KDM4B: variants seen among roughly 807,000 people sequenced by gnomAD.
KDM4B encodes the protein lysine-specific demethylase 4B.
Under a neutral mutation model 125.2 loss-of-function variants are expected in KDM4B, and 32 were observed. The observed-to-expected ratio is 0.26, with a 90% CI of 0.19 to 0.34. The LOEUF (loss-of-function observed/expected upper bound fraction) is 0.34, where lower values mean the gene tolerates loss of function less well. Among genes scored for constraint, KDM4B ranks in the 10% least tolerant of loss-of-function variants. The pLI is 1.00. For missense variants in KDM4B, 1,190 were observed against 1,577.7 expected (o/e 0.75, Z 4.16); for synonymous variants, 721 against 677.9 (o/e 1.06, Z -0.99).
intron 1 of KDM4B, among the ~76,000 whole-genome samples, chr19:5,000,836 A>T (rs538004347): frequency 1.2e-3 from 177 of 152,276 alleles, no homozygotes; most frequent in Non-Finnish European, 2.1e-3. Context: ...TTGATTCAAC[A>T]TACGTGATGT....
At chr19:5,105,197 G>A (rs1175306116) in intron 9 of KDM4B, among the ~76,000 whole-genome samples, 1 of 152,244 alleles carries the variant, frequency 6.6e-6, no homozygotes, top group Non-Finnish European at 1.5e-5. Context: ...GACTCTCCAT[G>A]CCTGGAGCCG....
At chr19:5,057,350 G>A (rs1353300693) in intron 6 of KDM4B, among the ~76,000 whole-genome samples, 1 of 152,136 alleles carries the variant, frequency 6.6e-6, no homozygotes. Flanking sequence ...AGATTCATCC[G>A]GTTGTGTGTG....
chr19:5,036,098 G>A (rs547809302), intron 3 of KDM4B, among the ~76,000 whole-genome samples: 1 of 152,300 alleles, frequency 6.6e-6, no homozygotes, highest in South Asian at 2.1e-4. Flanking sequence ...TTGGCTCGGG[G>A]CAGCCAGCCT....
chr19:5,048,438 T>TC (rs1463614761), intron 6 of KDM4B, among the ~76,000 whole-genome samples: 1 of 152,186 alleles, frequency 6.6e-6, no homozygotes, highest in East Asian at 1.9e-4. Context: ...TGCACTGTCC[T>TC]CCAAGGGCCG....
chr19:5,013,696 G>GGACA (rs1215821665), intron 1 of KDM4B, among the ~76,000 whole-genome samples: 1 of 152,192 alleles, frequency 6.6e-6, no homozygotes, highest in Non-Finnish European at 1.5e-5. Flanking sequence ...GAGGCTGTGA[G>GGACA]GACATTCCGC....
At position 5,151,404 on chromosome 19, in the gene KDM4B, C is replaced by T. The variant is rs1165530639; in HGVS notation, c.3184C>T (p.Arg1062Cys). 2 of 1,581,918 alleles carry T rather than the reference C, an allele frequency of 1.3e-6. No homozygotes were observed. The highest frequency in any genetic ancestry group is 1.7e-6 in the Non-Finnish European group (2 of 1,166,504). The change falls in exon 23 of 23, where the codon CGT becomes TGT. Residue 1062 changes from arginine to cysteine, a missense_variant. Physicochemically the swap from Arg to Cys is radical, Grantham distance 180. Transcript: ENST00000159111. ...GGAGGCCAAGGCCGCCAAGCGCCCG[C>T]GTGTGGGCACCCCGCTTGCCACGGA... ...GEEAKAAKRP[R>C]VGTPLATEDS...
rs1254893037 is a variant in KDM4B, at chr19:5,137,226, C to T, written c.2309-36C>T. 25 of 1,516,590 alleles carry T rather than the reference C, an allele frequency of 1.6e-5. No homozygotes were observed. In the Admixed American group the frequency reaches 1.8e-4, roughly 11 times the overall value. 93.9% of individuals were successfully genotyped at this position (1,516,590 alleles called of 1,614,324 possible). ...CACTCGGCTCCCCAAGTCTCACCTG[C>T]CCCCCAGATCTCAGCCAGCCCCCGC... On this transcript the variant is annotated intron_variant, in intron 15 of 22. Coordinates refer to ENST00000159111, the MANE Select transcript of KDM4B (RefSeq NM_015015.3).
intron 11 of KDM4B, among the ~76,000 whole-genome samples, chr19:5,120,562 G>A (rs1014958450): frequency 1.4e-4 from 21 of 152,220 alleles, no homozygotes; most frequent in South Asian, 6.2e-4. Flanking sequence ...GCGGGGGGCC[G>A]GGAGGCAGTC....
At chr19:5,005,563 G>A (rs10404161) in intron 1 of KDM4B, among the ~76,000 whole-genome samples, 8,286 of 152,196 alleles carry the variant, frequency 0.054, 769 homozygotes, top group African/African-American at 0.19. Flanking sequence ...ACCCTCCTCC[G>A]GGCCTCATGG....
At chr19:4,999,135 A>G (rs900358780) in intron 1 of KDM4B, among the ~76,000 whole-genome samples, 1 of 151,952 alleles carries the variant, frequency 6.6e-6, no homozygotes, top group Non-Finnish European at 1.5e-5. Context: ...TAGTCCTGTC[A>G]TTTCTTCTGC....
chr19:5,065,466 A>G (rs1036828005), intron 6 of KDM4B, among the ~76,000 whole-genome samples: 10 of 152,204 alleles, frequency 6.6e-5, no homozygotes, highest in African/African-American at 2.4e-4. Context: ...GCTGTTTCAC[A>G]CTTTATTTGT....
At chr19:5,126,707 C>T (rs538208422) in intron 11 of KDM4B, among the ~76,000 whole-genome samples, 4 of 152,344 alleles carry the variant, frequency 2.6e-5, no homozygotes, top group South Asian at 4.1e-4. Context: ...CCCGGGGACC[C>T]GCCAGCACAT....
rs146541113 is a variant in KDM4B at position 5,148,165 on chromosome 19, G to A, written c.3022-2193G>A. On this transcript the variant is annotated intron_variant, in intron 21 of 22. Coordinates refer to ENST00000159111, the MANE Select transcript of KDM4B (RefSeq NM_015015.3). ...ACAGGGAGCCCGGGCCGAGGCGCAC[G>A]CCTCTGATTTCCTGTAGCTGCAAGT... Among the ~76,000 whole-genome samples, 238 of 152,354 alleles carry A rather than the reference G, an allele frequency of 1.6e-3. 4 individuals carry two copies. The highest frequency in any genetic ancestry group is 2.7e-3 in the African/African-American group (111 of 41,586).
chr19:4,992,422 C>CT (rs890062424), intron 1 of KDM4B, among the ~76,000 whole-genome samples: 14 of 152,130 alleles, frequency 9.2e-5, no homozygotes, highest in African/African-American at 3.1e-4. Flanking sequence ...AAATTTCCCT[C>CT]TAAGTACTGC....
intron 1 of KDM4B, among the ~76,000 whole-genome samples, chr19:5,003,022 C>T (rs62114282): frequency 0.26 from 39,023 of 152,172 alleles, 6,455 homozygotes; most frequent in East Asian, 0.69. Flanking sequence ...AAGCCCTTTC[C>T]GTCTCTGGGG....
chr19:5,117,751 A>C (rs1599222130), intron 10 of KDM4B, among the ~76,000 whole-genome samples: 1 of 151,656 alleles, frequency 6.6e-6, no homozygotes. Context: ...CTCTGGCCCC[A>C]CGCCCGCCCC....
At chr19:5,136,717 C>T (rs1284896413) in intron 15 of KDM4B, among the ~76,000 whole-genome samples, 1 of 152,178 alleles carries the variant, frequency 6.6e-6, no homozygotes, top group African/African-American at 2.4e-5. Context: ...GGGCCATCAG[C>T]ACTGGCAGAG....
At chr19:5,127,587 G>T (rs1381479131) in intron 11 of KDM4B, among the ~76,000 whole-genome samples, 1 of 152,202 alleles carries the variant, frequency 6.6e-6, no homozygotes, top group African/African-American at 2.4e-5. Flanking sequence ...GCACTCATCA[G>T]CCGGGCACCT....
rs560735773 is a variant in KDM4B at position 5,114,857 on chromosome 19, A to C, written c.1115+4039A>C. On this transcript the variant is annotated intron_variant, in intron 10 of 22. Transcript: ENST00000159111. This position sits in a 1 kb window ranked among gnomAD's most constrained non-coding sequence, Gnocchi z 5.8. The stretch of plus-strand genomic sequence containing the variant: ...CCCCGCCTCCTGCCATACAAGCTGC[A>C]AAGGACACCTGCTTCCACCTTGGAA... Among the ~76,000 whole-genome samples the C allele has an allele frequency of 6.6e-6, 1 of 152,368 alleles. No homozygotes were observed. The highest frequency in any genetic ancestry group is 2.1e-4 in the South Asian group (1 of 4,828).
Sources: gnomAD v4.1 joint callset for allele counts (sites outside exome capture counted in the v4.1 genomes callset) on GRCh38, gnomAD v4.1.1 for gene constraint, Gnocchi (gnomAD v3.1) non-coding constraint, MANE v1.5 for transcripts, NCBI Gene and HGNC (gene_info 2026-07-23, HGNC 2026-07-21) for gene names.